PPP1R12B: variants seen among roughly 807,000 people sequenced by gnomAD.
PPP1R12B encodes the protein protein phosphatase 1 regulatory subunit 12B, also known as myosin phosphatase target subunit 2.
PPP1R12B carries 76 observed loss-of-function variants against 126.1 expected under a neutral mutation model. The observed-to-expected ratio is 0.60, with a 90% CI of 0.50 to 0.73. PPP1R12B has a LOEUF of 0.73. Among genes scored for constraint, PPP1R12B ranks in the 30% least tolerant of loss-of-function variants. The pLI is 0.00. For missense variants in PPP1R12B, 1,052 were observed against 1,205.1 expected (o/e 0.87, Z 1.88); for synonymous variants, 356 against 434.7 (o/e 0.82, Z 2.25).
Position 202,490,613 on chromosome 1 carries a change from ACT to A in PPP1R12B, c.1941+1993_1941+1994del, listed in dbSNP as rs147415912. Among the ~76,000 whole-genome samples, 1,073 of 152,180 alleles carry A rather than the reference ACT, an allele frequency of 7.1e-3. 17 individuals carry two copies. The highest frequency in any genetic ancestry group is 0.024 in the African/African-American group (1,005 of 41,522). ...ACTTTCTTCCTCTTCCAAAACTGAA[ACT>A]CTGTATCCATTAAATAATTACTCCC... On this transcript the variant is annotated intron_variant, in intron 14 of 23. Transcript: ENST00000608999.
rs1690163957 is a variant in PPP1R12B at position 202,592,589 on chromosome 1, C to T, written c.*12029C>T. The T allele has an allele frequency of 6.6e-6, 1 of 152,186 alleles. No homozygotes were observed. The highest frequency in any genetic ancestry group is 1.5e-5 in the Non-Finnish European group (1 of 68,034). 9.4% of individuals were successfully genotyped at this position (152,186 alleles called of 1,614,324 possible). A position where few individuals can be genotyped will look rare whatever the true frequency, so the allele number is the denominator to read the frequency against. ...TGTTCATATGTTTCTAGGTAATTAT[C>T]TTCTTTTATATATAATTAAATATAC... On this transcript the variant is annotated 3_prime_UTR_variant, in exon 24 of 24. Coordinates refer to ENST00000608999, the MANE Select transcript of PPP1R12B (RefSeq NM_002481.4).
At chr1:202,519,293 C>CTTTTTCT in intron 18 of PPP1R12B, among the ~76,000 whole-genome samples, 1 of 152,058 alleles carries the variant, frequency 6.6e-6, no homozygotes, top group East Asian at 1.9e-4. Flanking sequence ...GAGACGGGGT[C>CTTTTTCT]TCACTCTGTC....
At chr1:202,542,923 T>A (rs1200278942) in intron 18 of PPP1R12B, among the ~76,000 whole-genome samples, 1 of 152,060 alleles carries the variant, frequency 6.6e-6, no homozygotes, top group Admixed American at 6.6e-5. Context: ...TGGCACAGAG[T>A]TACAGAGGGA....
At chr1:202,537,353 CAAA>C (rs570737869) in intron 18 of PPP1R12B, among the ~76,000 whole-genome samples, 3 of 99,954 alleles carry the variant, frequency 3.0e-5, no homozygotes, top group Admixed American at 1.1e-4. Context: ...GACTCCGTCT[CAAA>C]AAAAAAAAAA....
At chr1:202,403,009 G>A (rs1239293299) in intron 1 of PPP1R12B, among the ~76,000 whole-genome samples, 1 of 152,202 alleles carries the variant, frequency 6.6e-6, no homozygotes, top group Non-Finnish European at 1.5e-5. Context: ...TAGCTTGTGT[G>A]GGTATATGGG....
chr1:202,516,747 A>G (rs1366101151), intron 18 of PPP1R12B, among the ~76,000 whole-genome samples: 2 of 152,308 alleles, frequency 1.3e-5, no homozygotes, highest in East Asian at 3.9e-4. Context: ...TCCTTAGTCC[A>G]CATTTCTGCT....
chr1:202,354,984 C>T (rs564723739), intron 1 of PPP1R12B, among the ~76,000 whole-genome samples: 1 of 152,194 alleles, frequency 6.6e-6, no homozygotes, highest in East Asian at 1.9e-4. Flanking sequence ...TGCCACCATG[C>T]GCAGCTAATT....
intron 23 of PPP1R12B, chr1:202,575,231 C>G: frequency 1.4e-6 from 2 of 1,446,078 alleles, no homozygotes; most frequent in Non-Finnish European, 1.8e-6. Flanking sequence ...CTCATCCCCT[C>G]CATCCGAGCC....
At position 202,434,739 on chromosome 1, in the gene PPP1R12B, A is replaced by C. The variant is rs1670588010; in HGVS notation, c.1225A>C (p.Asn409His). The change falls in exon 9 of 24, where the codon AAT (asparagine) becomes CAT (histidine). Residue 409 changes from asparagine (N) to histidine (H), a missense_variant. Physicochemically the swap from Asn to His is moderately conservative, Grantham distance 68 (BLOSUM62 1). Coordinates refer to ENST00000608999, the MANE Select transcript of PPP1R12B (RefSeq NM_002481.4). ...ITEQIPAPAQ[N>H]TFSASSARRF... ...AGAGCAGATACCAGCACCAGCTCAA[A>C]ATACCTTCTCTGCCTCTTCTGCTAG... is the stretch of plus-strand genomic sequence containing the variant. 3.7e-6 allele frequency: 6 copies of C among 1,613,920 alleles called. No homozygotes were observed. The East Asian group carries it at 1.3e-4, about 36-fold the overall frequency.
At chr1:202,560,687 G>T (rs886283019) in intron 19 of PPP1R12B, among the ~76,000 whole-genome samples, 3 of 152,128 alleles carry the variant, frequency 2.0e-5, no homozygotes, top group Admixed American at 2.0e-4. Context: ...GACTTAAAAC[G>T]CCTTAACCGT....
intron 1 of PPP1R12B, among the ~76,000 whole-genome samples, chr1:202,365,009 G>C (rs1658941211): frequency 6.6e-6 from 1 of 152,190 alleles, no homozygotes; most frequent in Non-Finnish European, 1.5e-5. Flanking sequence ...ACCGCACCCA[G>C]CCAGCAAAAT....
intron 18 of PPP1R12B, among the ~76,000 whole-genome samples, chr1:202,536,506 A>G (rs1437667540): frequency 6.6e-6 from 1 of 152,220 alleles, no homozygotes; most frequent in African/African-American, 2.4e-5. Context: ...TGGGTGAGTC[A>G]GTGAGCAAGT....
At chr1:202,512,611 G>A (rs1012057533) in intron 18 of PPP1R12B, among the ~76,000 whole-genome samples, 4 of 152,122 alleles carry the variant, frequency 2.6e-5, no homozygotes, top group African/African-American at 9.7e-5. Flanking sequence ...TTGATACAAG[G>A]AACAGCAGTA....
chr1:202,373,025 C>T (rs1425661043), intron 1 of PPP1R12B, among the ~76,000 whole-genome samples: 2 of 151,928 alleles, frequency 1.3e-5, no homozygotes, highest in South Asian at 4.1e-4. Context: ...ACCTTCGCCT[C>T]CCTGGTTCAA....
intron 1 of PPP1R12B, among the ~76,000 whole-genome samples, chr1:202,408,675 CT>C (rs1666959263): frequency 6.6e-6 from 1 of 152,084 alleles, no homozygotes; most frequent in Non-Finnish European, 1.5e-5. Flanking sequence ...CACACTCCCT[CT>C]GGTATATATA....
At chr1:202,558,809 G>C (rs905834821) in intron 18 of PPP1R12B, 68 bp from the exon 19 acceptor site, 1 of 1,020,532 alleles carries the variant, frequency 9.8e-7, no homozygotes, top group Non-Finnish European at 1.5e-6. Context: ...ATACAAATCA[G>C]TCTCTTGCTA....
intron 13 of PPP1R12B, chr1:202,472,243 C>T (rs1003432903): frequency 2.0e-5 from 9 of 456,096 alleles, no homozygotes; most frequent in African/African-American, 1.8e-4. Flanking sequence ...TATATTTTAT[C>T]ATATGAACGT....
chr1:202,384,883 A>G (rs939138095), intron 1 of PPP1R12B, among the ~76,000 whole-genome samples: 3 of 152,242 alleles, frequency 2.0e-5, no homozygotes, highest in Non-Finnish European at 4.4e-5. Context: ...GTGACTGGCT[A>G]TGCCAGTGTA....
intron 18 of PPP1R12B, among the ~76,000 whole-genome samples, chr1:202,516,042 T>A (rs1682110061): frequency 6.6e-6 from 1 of 152,246 alleles, no homozygotes. Context: ...ATACTCCCTG[T>A]GTCTCAGTTT....
Sources: allele counts gnomAD v4.1 joint callset (sites outside exome capture counted in the v4.1 genomes callset), GRCh38; gene constraint gnomAD v4.1.1; transcripts MANE v1.5; gene names NCBI Gene and HGNC (gene_info 2026-07-23, HGNC 2026-07-21).